The following L3MBTL4 variants were observed in gnomAD, a reference collection of about 807,000 sequenced individuals.
L3MBTL4 encodes lethal(3)malignant brain tumor-like protein 4.
A neutral mutation model predicts 84.5 loss-of-function variants in L3MBTL4; 70 were observed. The ratio of observed to expected loss-of-function variants is 0.83; its 90% CI spans 0.68 to 1.01. L3MBTL4 has a LOEUF of 1.01. Among genes scored for constraint, L3MBTL4 ranks in the 50% least tolerant of loss-of-function variants. The pLI is 0.00. For missense variants in L3MBTL4, 715 were observed against 754.8 expected (o/e 0.95, Z 0.62); for synonymous variants, 274 against 259.8 (o/e 1.05, Z -0.52).
At chr18:5,979,278 G>A (rs1349236070) in intron 16 of L3MBTL4, among the ~76,000 whole-genome samples, 1 of 152,102 alleles carries the variant, frequency 6.6e-6, no homozygotes, top group Non-Finnish European at 1.5e-5. Flanking sequence ...AGAGACCCCT[G>A]ACTGAAAAAA....
chr18:6,088,508 G>A (rs923048323), intron 15 of L3MBTL4, among the ~76,000 whole-genome samples: 1 of 152,146 alleles, frequency 6.6e-6, no homozygotes, highest in Non-Finnish European at 1.5e-5. Flanking sequence ...ACCAAGAAAG[G>A]AAACAAAGGC....
At chr18:6,009,888 T>C (rs474514) in intron 16 of L3MBTL4, among the ~76,000 whole-genome samples, 104,609 of 150,196 alleles carry the variant, frequency 0.7, 36,506 homozygotes, top group Admixed American at 0.78. Context: ...CTATTCTATT[T>C]AGCCTTAAAT....
intron 1 of L3MBTL4, among the ~76,000 whole-genome samples, chr18:6,399,273 A>G (rs1883346852): frequency 4.6e-5 from 7 of 152,076 alleles, no homozygotes; most frequent in Admixed American, 4.6e-4. Flanking sequence ...CCCCATGTCT[A>G]CTAAAAATAC....
intron 11 of L3MBTL4, among the ~76,000 whole-genome samples, chr18:6,215,498 G>A (rs2046286510): frequency 1.3e-5 from 2 of 152,144 alleles, no homozygotes. Context: ...AGCAGTTGAT[G>A]AGGTGTTTTC....
chr18:6,316,496 T>C (rs547569156), intron 1 of L3MBTL4, among the ~76,000 whole-genome samples: 121 of 152,276 alleles, frequency 7.9e-4, no homozygotes, highest in African/African-American at 2.8e-3. Context: ...GGGGACTTCT[T>C]TTCTCTCTTA....
In L3MBTL4 at chr18:6,241,564, A is replaced by C. The variant is rs2047452540; in HGVS notation, c.461-115T>G. 8 of 592,296 alleles carry C rather than the reference A, an allele frequency of 1.4e-5. No individual in the cohort carries two copies. The South Asian group carries it at 2.0e-4, about 15-fold the overall frequency. The allele number at this position is 592,296 out of a possible 1,614,324, so 36.7% of individuals were successfully genotyped here. A position where few individuals can be genotyped will look rare whatever the true frequency, so the allele number is the denominator to read the frequency against. On this transcript the variant is annotated intron_variant, in intron 7 of 18. Coordinates refer to ENST00000317931, the MANE Select transcript of L3MBTL4 (RefSeq NM_001330559.2). ...TTTGGCCATTACTTTTAATGGAAAAAAAACGCAATTACTTTTGCACCAACC... is the reference window on the plus strand; with the variant it reads ...TTTGGCCATTACTTTTAATGGAAAACAAACGCAATTACTTTTGCACCAACC...
chr18:6,199,187 C>T (rs2145629566), intron 12 of L3MBTL4, among the ~76,000 whole-genome samples: 1 of 152,306 alleles, frequency 6.6e-6, no homozygotes, highest in South Asian at 2.1e-4. Context: ...GCATCAGCTT[C>T]CTAGGAGCAG....
chr18:6,233,188 T>G (rs533354140), intron 10 of L3MBTL4, among the ~76,000 whole-genome samples: 1 of 151,798 alleles, frequency 6.6e-6, no homozygotes, highest in African/African-American at 2.4e-5. Context: ...TAAGAGCTAT[T>G]TATAACAAAC....
chr18:6,341,591 A>C (rs949494457), intron 1 of L3MBTL4, among the ~76,000 whole-genome samples: 2 of 152,116 alleles, frequency 1.3e-5, no homozygotes, highest in African/African-American at 4.8e-5. Flanking sequence ...AGGAATAAAA[A>C]TAAAACAAGA....
At chr18:6,221,406 A>G (rs1458762886) in intron 10 of L3MBTL4, among the ~76,000 whole-genome samples, 2 of 152,186 alleles carry the variant, frequency 1.3e-5, no homozygotes, top group Non-Finnish European at 2.9e-5. Flanking sequence ...CTATCTGTCT[A>G]TTGGATCTGC....
intron 17 of L3MBTL4, among the ~76,000 whole-genome samples, chr18:5,964,805 G>C (rs962561599): frequency 1.3e-5 from 2 of 152,134 alleles, no homozygotes; most frequent in African/African-American, 4.8e-5. Flanking sequence ...CTGCCCGCGT[G>C]TGCCTACACA....
At chr18:6,269,583 A>G (rs2048780704) in intron 4 of L3MBTL4, among the ~76,000 whole-genome samples, 1 of 152,258 alleles carries the variant, frequency 6.6e-6, no homozygotes, top group African/African-American at 2.4e-5. Flanking sequence ...TTTTATTCTA[A>G]CAATGCAAAA....
chr18:6,082,642 G>A (rs1282646837), intron 15 of L3MBTL4, among the ~76,000 whole-genome samples: 2 of 152,032 alleles, frequency 1.3e-5, no homozygotes, highest in African/African-American at 4.8e-5. Context: ...TGCTAATCAA[G>A]ATCTTGCTTC....
At chr18:6,151,539 C>A (rs1349354988) in intron 13 of L3MBTL4, among the ~76,000 whole-genome samples, 1 of 152,030 alleles carries the variant, frequency 6.6e-6, no homozygotes, top group African/African-American at 2.4e-5. Context: ...ATTACAGGCA[C>A]GCGCCACCAG....
At chr18:6,034,619 T>A (rs1568011739) in intron 16 of L3MBTL4, among the ~76,000 whole-genome samples, 1 of 152,226 alleles carries the variant, frequency 6.6e-6, no homozygotes, top group Non-Finnish European at 1.5e-5. Flanking sequence ...CGTGTGCATG[T>A]GTCTTTATAG....
intron 4 of L3MBTL4, among the ~76,000 whole-genome samples, chr18:6,287,496 G>GC (rs1228707242): frequency 1.3e-5 from 2 of 151,902 alleles, no homozygotes; most frequent in Admixed American, 1.3e-4. Flanking sequence ...AGCTATTCTG[G>GC]CATACTATAC....
chr18:6,066,887 T>C (rs1248251718), intron 16 of L3MBTL4, among the ~76,000 whole-genome samples: 1 of 152,038 alleles, frequency 6.6e-6, no homozygotes, highest in Non-Finnish European at 1.5e-5. Context: ...GGTACTGTTC[T>C]AGTGATCATA....
intron 16 of L3MBTL4, among the ~76,000 whole-genome samples, chr18:6,045,739 C>T (rs896799766): frequency 7.9e-5 from 12 of 152,108 alleles, no homozygotes; most frequent in African/African-American, 2.9e-4. Context: ...CATCAGAAGC[C>T]TACACATGGA....
chr18:6,064,708 A>G (rs1246136570), intron 16 of L3MBTL4, among the ~76,000 whole-genome samples: 1 of 151,272 alleles, frequency 6.6e-6, no homozygotes, highest in Non-Finnish European at 1.5e-5. Context: ...TTGTAGCCTG[A>G]GACCTTACTG....
Sources: allele counts gnomAD v4.1 joint callset (sites outside exome capture counted in the v4.1 genomes callset), GRCh38; gene constraint gnomAD v4.1.1; transcripts MANE v1.5; gene names NCBI Gene and HGNC (gene_info 2026-07-23, HGNC 2026-07-21).